TADA2A: variants seen among roughly 807,000 people sequenced by gnomAD.
The protein encoded by TADA2A is transcriptional adaptor 2A, also known as transcriptional adapter 2-alpha.
Under a neutral mutation model 67.4 loss-of-function variants are expected in TADA2A, and 38 were observed. The ratio of observed to expected loss-of-function variants is 0.56; its 90% CI spans 0.44 to 0.74. The LOEUF (loss-of-function observed/expected upper bound fraction) is 0.74. Ranked by LOEUF, TADA2A falls within the 30% of genes least tolerant of loss-of-function variation. The probability of loss-of-function intolerance (pLI) is 0.00; values close to 1 mark genes in which losing one functional copy is unlikely to be tolerated. For synonymous variants in TADA2A, 192 were observed against 181.6 expected, an observed-to-expected ratio of 1.06 and a Z score of -0.46; for missense variants, 454 against 547.0, an observed-to-expected ratio of 0.83 and a Z score of 1.70.
chr17:37,420,779 T>G lies in TADA2A; in HGVS notation c.26-2730T>G, dbSNP rs758663840. Among the ~76,000 whole-genome samples the G allele has an allele frequency of 2.7e-4, 39 of 146,760 alleles. 5 individuals are homozygous for G. Among genetic ancestry groups the G allele is most frequent in the Non-Finnish European group, 4.3e-4 (28 of 65,750 alleles). ...ACCTTGAAGAACATTTCTTGGACTT[T>G]AGGGAGGCAAATACTGTTACAGAAT... is the stretch of plus-strand genomic sequence containing the variant. On this transcript the variant is annotated intron_variant, in intron 2 of 15. Coordinates refer to ENST00000615182, the MANE Select transcript of TADA2A (RefSeq NM_001166105.3).
intron 5 of TADA2A, among the ~76,000 whole-genome samples, chr17:37,439,806 T>A (rs2052843075): frequency 6.6e-6 from 1 of 152,078 alleles, no homozygotes; most frequent in East Asian, 1.9e-4. Context: ...AAAACTATAT[T>A]TCTGTATATT....
At chr17:37,458,334 AACTTT>A (rs1299295313) in intron 8 of TADA2A, among the ~76,000 whole-genome samples, 185 bp from the exon 9 acceptor site, 3 of 152,234 alleles carry the variant, frequency 2.0e-5, no homozygotes, top group Non-Finnish European at 4.4e-5. Context: ...GCGGAAAAAT[AACTTT>A]ACTTATTGAT....
Position 37,471,101 on chromosome 17 carries a change from G to A in TADA2A, c.1036G>A (p.Gly346Ser), listed in dbSNP as rs777051321. ...WLRRQADIDSGLSPSIPMASN... is the reference protein window; with the variant it reads ...WLRRQADIDSSLSPSIPMASN... ...TCCTCTTCTTCGTTGTAGTGATTCC[G>A]GCCTGAGTCCTTCCATTCCAATGGC... Residue 346 changes from glycine (G) to serine (S), a missense_variant, in exon 14 of 16, where the codon GGC becomes AGC. Gly to Ser is a moderately conservative substitution (Grantham distance 56, BLOSUM62 0). Transcript: ENST00000615182. 26 of 1,613,846 alleles carry A rather than the reference G, an allele frequency of 1.6e-5. No individual in the cohort carries two copies. Among genetic ancestry groups the A allele is most frequent in the African/African-American group, 1.5e-4 (11 of 74,834 alleles).
intron 4 of TADA2A, among the ~76,000 whole-genome samples, chr17:37,433,323 A>G (rs2052626669): frequency 6.6e-6 from 1 of 152,058 alleles, no homozygotes; most frequent in Non-Finnish European, 1.5e-5. Flanking sequence ...TGCTTCCCCA[A>G]ATGTTAACAT....
At chr17:37,437,686 C>G in intron 4 of TADA2A, 52 bp from the exon 5 acceptor site, 1 of 1,542,176 alleles carries the variant, frequency 6.5e-7, no homozygotes, top group East Asian at 2.2e-5. Context: ...CGTGCCTGGC[C>G]CCTAGATTCC....
At chr17:37,439,922 A>ATTT (rs778174627) in intron 5 of TADA2A, among the ~76,000 whole-genome samples, 8 of 97,862 alleles carry the variant, frequency 8.2e-5, no homozygotes, top group African/African-American at 3.7e-4. Flanking sequence ...TTATTTATTT[A>ATTT]TTTATTTATT....
At chr17:37,475,699 C>G (rs1031150200) in intron 15 of TADA2A, among the ~76,000 whole-genome samples, 12 of 152,184 alleles carry the variant, frequency 7.9e-5, no homozygotes, top group African/African-American at 2.7e-4. Flanking sequence ...CTCCTGACTT[C>G]AGGTGATCCA....
intron 8 of TADA2A, among the ~76,000 whole-genome samples, chr17:37,446,096 T>TG (rs5820217): frequency 8.4e-6 from 1 of 119,394 alleles, no homozygotes; most frequent in Non-Finnish European, 1.7e-5. Context: ...GGTTTTTTTT[T>TG]GGGGGGGTTT....
At chr17:37,433,141 T>C (rs912809785) in intron 4 of TADA2A, among the ~76,000 whole-genome samples, 3 of 151,770 alleles carry the variant, frequency 2.0e-5, no homozygotes, top group East Asian at 3.9e-4. Context: ...GAAATAGAAA[T>C]AGAGTTTTGC....
At chr17:37,469,405 G>A (rs1263271867) in intron 12 of TADA2A, among the ~76,000 whole-genome samples, 9 of 151,744 alleles carry the variant, frequency 5.9e-5, no homozygotes, top group African/African-American at 1.5e-4. Flanking sequence ...AGGCCGAGGC[G>A]GGCGGATCAC....
rs576918243 is a variant in TADA2A, at chr17:37,423,226, G to C, written c.26-283G>C. Among the ~76,000 whole-genome samples the C allele has an allele frequency of 1.5e-3, 234 of 152,248 alleles. 1 individual carries two copies. The highest frequency in any genetic ancestry group is 2.7e-3 in the Non-Finnish European group (185 of 68,024). On this transcript the variant is annotated intron_variant, in intron 2 of 15. Transcript: ENST00000615182. ...AGCCTGGGTGGCAGAGCAAGACCCTGTCTCTAAAAATATATAAATAAATCA... is the reference window on the plus strand; with the variant it reads ...AGCCTGGGTGGCAGAGCAAGACCCTCTCTCTAAAAATATATAAATAAATCA...
At chr17:37,447,261 A>T (rs968866430) in intron 8 of TADA2A, among the ~76,000 whole-genome samples, 1 of 152,204 alleles carries the variant, frequency 6.6e-6, no homozygotes, top group African/African-American at 2.4e-5. Context: ...TCCCAGGCTC[A>T]AGCGATTCTC....
At chr17:37,415,045 A>G (rs564940015) in intron 2 of TADA2A, among the ~76,000 whole-genome samples, 89 of 152,112 alleles carry the variant, frequency 5.9e-4, no homozygotes, top group African/African-American at 2.1e-3. Context: ...GGTGTCTGCC[A>G]CCACACCTGG....
At chr17:37,465,096 C>T (rs866596748) in intron 10 of TADA2A, among the ~76,000 whole-genome samples, 8 of 147,780 alleles carry the variant, frequency 5.4e-5, no homozygotes, top group Middle Eastern at 3.4e-3. Flanking sequence ...TGCAGTGCGC[C>T]GAGATCACCC....
intron 2 of TADA2A, 102 bp from the exon 3 acceptor site, chr17:37,423,407 T>C: frequency 2.3e-6 from 2 of 878,514 alleles, no homozygotes; most frequent in Admixed American, 2.7e-5. Flanking sequence ...ACTTTTCAGC[T>C]TAGCTCACTA....
At chr17:37,454,900 T>C in intron 8 of TADA2A, 2 of 217,904 alleles carry the variant, frequency 9.2e-6, no homozygotes, top group Non-Finnish European at 2.0e-5. Context: ...TGGTGAAGCC[T>C]GTGAAAGTGT....
At chr17:37,445,534 G>A (rs1481080265) in intron 8 of TADA2A, among the ~76,000 whole-genome samples, 1 of 152,158 alleles carries the variant, frequency 6.6e-6, no homozygotes, top group African/African-American at 2.4e-5. Flanking sequence ...CCAAAGTGCT[G>A]GGATTACAGG....
intron 6 of TADA2A, 117 bp downstream of exon 6, chr17:37,440,779 G>A (rs1344357599): frequency 2.3e-6 from 3 of 1,296,372 alleles, no homozygotes; most frequent in Non-Finnish European, 3.2e-6. Context: ...GAAGATAGGA[G>A]GAGTTAGTAT....
chr17:37,424,413 G>T (rs2052341647), intron 3 of TADA2A, among the ~76,000 whole-genome samples: 1 of 151,894 alleles, frequency 6.6e-6, no homozygotes, highest in African/African-American at 2.4e-5. Flanking sequence ...GAGTGTAGTG[G>T]CACAATCTTG....
Sources: allele counts gnomAD v4.1 joint callset (sites outside exome capture counted in the v4.1 genomes callset), GRCh38; gene constraint gnomAD v4.1.1; transcripts MANE v1.5; gene names NCBI Gene and HGNC (gene_info 2026-07-23, HGNC 2026-07-21).